The following MORN1 variants were observed in gnomAD, a reference collection of about 807,000 sequenced individuals.
The protein encoded by MORN1 is MORN repeat containing 1.
MORN1 carries 67 observed loss-of-function variants against 61.9 expected under a neutral mutation model. The observed-to-expected ratio is 1.08, with a 90% confidence interval of 0.89 to 1.33. The LOEUF is 1.33. MORN1 is among the 40% of genes most tolerant of loss of function. The pLI is 0.00. For missense variants in MORN1, 752 were observed against 691.2 expected (o/e 1.09, Z -0.99); for synonymous variants, 301 against 292.0 (o/e 1.03, Z -0.31).
rs760747827 is a variant in MORN1 at position 2,332,687 on chromosome 1, A to C, written c.1250+3782T>G. 6 of 456,590 alleles carry C rather than the reference A, an allele frequency of 1.3e-5. 1 individual carries two copies. The highest frequency in any genetic ancestry group is 9.3e-5 in the South Asian group (6 of 64,576). 28.3% of individuals were successfully genotyped at this position (456,590 alleles called of 1,614,324 possible). On this transcript the variant is annotated intron_variant, in intron 12 of 13. Coordinates refer to ENST00000378531, the MANE Select transcript of MORN1 (RefSeq NM_024848.3). The stretch of plus-strand genomic sequence containing the variant: ...CTTGGTCTCCTGTTGTCCACACTGC[A>C]GAATCTCGTCTGTGCCTCGAGATTT...
intron 6 of MORN1, chr1:2,378,775 TC>T: frequency 2.7e-6 from 1 of 370,966 alleles, no homozygotes; most frequent in Non-Finnish European, 5.3e-6. Context: ...GCCCAAGCCC[TC>T]GGGTCCTGGG....
In MORN1 at chr1:2,387,441, C is replaced by T. The variant is rs768553630; in HGVS notation, c.336G>A (p.Glu112=). 13 of 1,613,438 alleles carry T rather than the reference C, an allele frequency of 8.1e-6. No homozygotes were observed. Among genetic ancestry groups the T allele is most frequent in the Middle Eastern group, 1.6e-4 (1 of 6,082 alleles). Residue 112 remains glutamate, a synonymous_variant, in exon 4 of 14, where the codon GAG becomes GAA. Coordinates refer to ENST00000378531, the MANE Select transcript of MORN1 (RefSeq NM_024848.3). The part of the protein sequence containing the change: ...EYKAGGCYEG[E]VSHGMREGHG... ...GACCTTCCCGCATGCCGTGGGAGACCTCCCCTTCATAACATCCGCCGGCTT... is the reference window on the plus strand; with the variant it reads ...GACCTTCCCGCATGCCGTGGGAGACTTCCCCTTCATAACATCCGCCGGCTT...
intron 10 of MORN1, chr1:2,355,455 A>G (rs904263667): frequency 6.4e-7 from 1 of 1,550,488 alleles, no homozygotes; most frequent in East Asian, 2.4e-5. Flanking sequence ...ATCCTAGAAG[A>G]GTGAGCTCCC....
chr1:2,390,880 C>G, intron 1 of MORN1: 1 of 416,770 alleles, frequency 2.4e-6, no homozygotes, highest in South Asian at 9.9e-5. Context: ...TCCCGAGTAG[C>G]TGGAACTACA....
At chr1:2,327,126 A>AC (rs1641044176) in intron 12 of MORN1, among the ~76,000 whole-genome samples, 1 of 140,982 alleles carries the variant, frequency 7.1e-6, no homozygotes, top group African/African-American at 2.9e-5. Flanking sequence ...ACACAGAAAC[A>AC]AACACAGAAA....
chr1:2,356,667 G>A lies in MORN1; in HGVS notation c.1036+765C>T, dbSNP rs369420999. 9.8e-5 allele frequency among the ~76,000 whole-genome samples: 15 copies of A among 152,298 alleles called. 1 individual carries two copies. Among genetic ancestry groups the A allele is most frequent in the African/African-American group, 3.6e-4 (15 of 41,570 alleles). ...ACCCGGTGGCCGGCAGCACCCCAGG[G>A]CCTCCCAACGCTGTCAAGACTGTTC... On this transcript the variant is annotated intron_variant, in intron 10 of 13. Coordinates refer to ENST00000378531, the MANE Select transcript of MORN1 (RefSeq NM_024848.3).
At chr1:2,326,901 A>G (rs1641037668) in intron 12 of MORN1, among the ~76,000 whole-genome samples, 1 of 152,240 alleles carries the variant, frequency 6.6e-6, no homozygotes, top group Non-Finnish European at 1.5e-5. Context: ...GGCCTCACCC[A>G]GGGTCTGTGT....
chr1:2,367,422 C>T lies in MORN1; in HGVS notation c.745+5059G>A, dbSNP rs557746124. 2.0e-5 allele frequency among the ~76,000 whole-genome samples: 3 copies of T among 150,590 alleles called. No homozygotes were observed. In the South Asian group the frequency reaches 6.3e-4, roughly 32 times the overall value. On this transcript the variant is annotated intron_variant, in intron 8 of 13. Transcript: ENST00000378531. ...ATCGCTTGAGCCTGGGAGTTTGAGACCAGCCTGGGCAACATAGTGAGATTC... is the reference window on the plus strand; with the variant it reads ...ATCGCTTGAGCCTGGGAGTTTGAGATCAGCCTGGGCAACATAGTGAGATTC...
intron 8 of MORN1, among the ~76,000 whole-genome samples, chr1:2,364,315 G>C (rs1641956798): frequency 6.6e-6 from 1 of 152,156 alleles, no homozygotes; most frequent in South Asian, 2.1e-4. Context: ...AAAATTGAAA[G>C]AAAGAAAAGC....
At chr1:2,348,653 ACACACGCACG>A (rs1294621174) in intron 10 of MORN1, among the ~76,000 whole-genome samples, 13 of 151,356 alleles carry the variant, frequency 8.6e-5, no homozygotes, top group African/African-American at 2.4e-4. Flanking sequence ...GCAGGCACGC[ACACACGCACG>A]CACACGCACA....
chr1:2,342,032 G>T lies in MORN1; in HGVS notation c.1037-5182C>A, dbSNP rs142237873. Among the ~76,000 whole-genome samples the T allele has an allele frequency of 1.3e-3, 198 of 152,376 alleles. 1 individual carries two copies. The highest frequency in any genetic ancestry group is 2.1e-3 in the Non-Finnish European group (146 of 68,038). The stretch of plus-strand genomic sequence containing the variant: ...GGCCATGCTTGTCACCTCCTGGCAG[G>T]CATGCCCCTCCCCAGCTCTCAGGAG... On this transcript the variant is annotated intron_variant, in intron 10 of 13. Transcript: ENST00000378531.
intron 8 of MORN1, 137 bp from the exon 9 acceptor site, chr1:2,358,852 G>T (rs969768501): frequency 1.0e-5 from 11 of 1,052,632 alleles, no homozygotes; most frequent in Admixed American, 7.2e-5. Context: ...ACCCTGGTGG[G>T]CTGAGGACCC....
Position 2,330,844 on chromosome 1 carries a change from C to T in MORN1, c.1250+5625G>A, listed in dbSNP as rs199551152. Among the ~76,000 whole-genome samples the T allele has an allele frequency of 2.7e-4, 41 of 152,312 alleles. No homozygotes were observed. The East Asian group carries it at 6.4e-3, about 24-fold the overall frequency. ...GAGGATTTCTGGGGCCAGGGCCACC[C>T]CCACCGTTCCTGTGGAATTCTCCTG... On this transcript the variant is annotated intron_variant, in intron 12 of 13. Coordinates refer to ENST00000378531, the MANE Select transcript of MORN1 (RefSeq NM_024848.3).
At chr1:2,370,614 T>C (rs779408070) in intron 8 of MORN1, among the ~76,000 whole-genome samples, 11 of 152,012 alleles carry the variant, frequency 7.2e-5, no homozygotes, top group Non-Finnish European at 1.2e-4. Context: ...ATATCCGCAA[T>C]AGGTAAAGAA....
chr1:2,356,701 C>T (rs944994201), intron 10 of MORN1, among the ~76,000 whole-genome samples: 2 of 152,316 alleles, frequency 1.3e-5, no homozygotes, highest in African/African-American at 2.4e-5. Context: ...TCCCTCAGTC[C>T]GGCACTGAGA....
At position 2,343,026 on chromosome 1, in the gene MORN1, C is replaced by T. The variant is rs372810775; in HGVS notation, c.1037-6176G>A. On this transcript the variant is annotated intron_variant, in intron 10 of 13. Transcript: ENST00000378531. ...AGTGCTGGGATCACGGGCGTGGCCCCGCGCCAGCTCCCCTGCCTTTCCTGA... is the reference window on the plus strand; with the variant it reads ...AGTGCTGGGATCACGGGCGTGGCCCTGCGCCAGCTCCCCTGCCTTTCCTGA... Among the ~76,000 whole-genome samples, 31 of 152,088 alleles carry T rather than the reference C, an allele frequency of 2.0e-4. No individual in the cohort carries two copies. The East Asian group carries it at 2.3e-3, about 11-fold the overall frequency.
intron 10 of MORN1, among the ~76,000 whole-genome samples, chr1:2,343,800 G>A (rs1641451843): frequency 6.6e-6 from 1 of 152,172 alleles, no homozygotes; most frequent in African/African-American, 2.4e-5. Context: ...TAAACACCAT[G>A]GCACCCGCCT....
intron 1 of MORN1, among the ~76,000 whole-genome samples, chr1:2,391,021 C>A (rs1642643912): frequency 6.6e-6 from 1 of 152,322 alleles, no homozygotes; most frequent in Admixed American, 6.5e-5. Context: ...GCTGGAAGTA[C>A]AGGCAAAAAC....
intron 12 of MORN1, among the ~76,000 whole-genome samples, chr1:2,330,432 T>C (rs1641124635): frequency 6.6e-6 from 1 of 151,904 alleles, no homozygotes; most frequent in Non-Finnish European, 1.5e-5. Flanking sequence ...CTGGGACAGG[T>C]GAGGAGCCCA....
Sources: gnomAD v4.1 joint callset for allele counts (sites outside exome capture counted in the v4.1 genomes callset) on GRCh38, gnomAD v4.1.1 for gene constraint, MANE v1.5 for transcripts, NCBI Gene and HGNC (gene_info 2026-07-23, HGNC 2026-07-21) for gene names.